PTPRM: variants seen among roughly 807,000 people sequenced by gnomAD.
The protein encoded by PTPRM is receptor-type tyrosine-protein phosphatase mu.
In PTPRM, 47 loss-of-function variants were observed where a neutral mutation model predicts 186.7. That is an observed-to-expected ratio of 0.25 (90% CI 0.20 to 0.32). PTPRM has a LOEUF of 0.32. PTPRM is among the 10% of genes least tolerant of loss of function. The probability of loss-of-function intolerance (pLI) is 1.00; values close to 1 mark genes in which losing one functional copy is unlikely to be tolerated. For synonymous variants in PTPRM, 668 were observed against 674.9 expected, an observed-to-expected ratio of 0.99 and a Z score of 0.16; for missense variants, 1,494 against 1,865.0, an observed-to-expected ratio of 0.80 and a Z score of 3.66.
At chr18:7,775,961 C>A (rs1274754323) in intron 2 of PTPRM, among the ~76,000 whole-genome samples, 2 of 151,978 alleles carry the variant, frequency 1.3e-5, no homozygotes, top group East Asian at 3.9e-4. Context: ...ATATTAAAAT[C>A]ATAGGTTTCT....
At chr18:7,687,871 G>A (rs628838) in intron 1 of PTPRM, among the ~76,000 whole-genome samples, 48,292 of 150,956 alleles carry the variant, frequency 0.32, 14,083 homozygotes, top group African/African-American at 0.76. Flanking sequence ...TCCGCCTCCC[G>A]GGTTCAAGTG....
At chr18:7,691,939 A>C (rs1208049331) in intron 1 of PTPRM, among the ~76,000 whole-genome samples, 1 of 128,986 alleles carries the variant, frequency 7.8e-6, no homozygotes, top group Non-Finnish European at 1.6e-5. Context: ...CAGGAGGTTA[A>C]GGAGGTGGGA....
At chr18:7,771,013 A>C (rs1420064870) in intron 1 of PTPRM, among the ~76,000 whole-genome samples, 1 of 152,220 alleles carries the variant, frequency 6.6e-6, no homozygotes, top group Non-Finnish European at 1.5e-5. Flanking sequence ...TTCAAGTGAT[A>C]AGAACAGCTT....
chr18:7,727,115 A>C (rs897612281), intron 1 of PTPRM, among the ~76,000 whole-genome samples: 1 of 152,100 alleles, frequency 6.6e-6, no homozygotes, highest in Non-Finnish European at 1.5e-5. Flanking sequence ...GTGACTTGAA[A>C]AGTAATGACT....
At chr18:7,853,381 G>A (rs1358669143) in intron 2 of PTPRM, among the ~76,000 whole-genome samples, 1 of 152,208 alleles carries the variant, frequency 6.6e-6, no homozygotes, top group Admixed American at 6.5e-5. Context: ...TGGAGTTGGT[G>A]CTAGGTGTCC....
At position 8,024,876 on chromosome 18, in the gene PTPRM, GT is replaced by G. The variant is rs765391763; in HGVS notation, c.1133-44807del. Among the ~76,000 whole-genome samples the G allele has an allele frequency of 1.9e-4, 29 of 151,900 alleles. No individual in the cohort carries two copies. The East Asian group carries it at 4.1e-3, about 21-fold the overall frequency. On this transcript the variant is annotated intron_variant, in intron 7 of 32. Transcript: ENST00000580170. ...TTTGTGTTGTTTTAGGAGAGACAGT[GT>G]TTCACCATGTTGCCCAGGCTTGTCT...
chr18:7,809,065 T>A (rs1207452212), intron 2 of PTPRM, among the ~76,000 whole-genome samples: 1 of 152,136 alleles, frequency 6.6e-6, no homozygotes, highest in African/African-American at 2.4e-5. Flanking sequence ...TACCCACATG[T>A]GACAGTTAAG....
intron 11 of PTPRM, among the ~76,000 whole-genome samples, chr18:8,101,065 A>G (rs2091270069): frequency 6.6e-6 from 1 of 152,220 alleles, no homozygotes; most frequent in Non-Finnish European, 1.5e-5. Flanking sequence ...TGTTCCATCA[A>G]AACATCCCAG....
At position 7,568,731 on chromosome 18, in the gene PTPRM, C is replaced by T. The variant is rs2036498242; in HGVS notation, c.73+840C>T. On this transcript the variant is annotated intron_variant, in intron 1 of 32. Transcript: ENST00000580170. This position sits in a 1 kb window ranked among gnomAD's most constrained non-coding sequence, Gnocchi z 5.1. Reference sequence around the variant, plus strand: ...GCGTGTGAGTGTGTGCGCGTGTGTGCCTGCACGCGCGCGCGGGGGCGTTCT... The same window carrying T: ...GCGTGTGAGTGTGTGCGCGTGTGTGTCTGCACGCGCGCGCGGGGGCGTTCT... Among the ~76,000 whole-genome samples the T allele has an allele frequency of 6.6e-6, 1 of 152,106 alleles. No homozygotes were observed. Among genetic ancestry groups the T allele is most frequent in the Non-Finnish European group, 1.5e-5 (1 of 68,012 alleles).
intron 4 of PTPRM, among the ~76,000 whole-genome samples, chr18:7,919,600 T>A (rs895275992): frequency 3.3e-5 from 5 of 152,168 alleles, no homozygotes; most frequent in African/African-American, 4.8e-5. Flanking sequence ...TCTACTTTTT[T>A]AAATTTGTTG....
intron 2 of PTPRM, among the ~76,000 whole-genome samples, chr18:7,848,303 T>C (rs2046697999): frequency 1.3e-5 from 2 of 152,254 alleles, no homozygotes; most frequent in African/African-American, 4.8e-5. Flanking sequence ...GATTTTGTCT[T>C]TCTGTAGTCA....
chr18:7,718,179 T>C (rs1305402700), intron 1 of PTPRM, among the ~76,000 whole-genome samples: 2 of 152,158 alleles, frequency 1.3e-5, no homozygotes, highest in Non-Finnish European at 2.9e-5. Flanking sequence ...TACAAGTCTC[T>C]AGTTACCAAA....
At chr18:7,874,327 A>G (rs1449015055) in intron 2 of PTPRM, among the ~76,000 whole-genome samples, 1 of 152,174 alleles carries the variant, frequency 6.6e-6, no homozygotes, top group Non-Finnish European at 1.5e-5. Context: ...ATGAAAAGTT[A>G]AAATGGGGAA....
chr18:8,299,070 C>T (rs78898960), intron 20 of PTPRM, among the ~76,000 whole-genome samples: 2,687 of 152,048 alleles, frequency 0.018, 47 homozygotes, highest in Middle Eastern at 0.075. Context: ...TTCTATAAAA[C>T]GTCTGCAGGC....
intron 32 of PTPRM, chr18:8,404,714 T>G (rs1161713451): frequency 6.6e-6 from 1 of 152,246 alleles, no homozygotes; most frequent in Non-Finnish European, 1.5e-5. Flanking sequence ...GTGCTGAACC[T>G]CGCTCACACA....
intron 1 of PTPRM, among the ~76,000 whole-genome samples, chr18:7,619,375 G>A (rs2037882570): frequency 6.6e-6 from 1 of 152,116 alleles, no homozygotes; most frequent in Admixed American, 6.5e-5. Flanking sequence ...GATTGACTGG[G>A]CTTTGTAAAG....
At chr18:7,823,943 G>C (rs568631032) in intron 2 of PTPRM, among the ~76,000 whole-genome samples, 1 of 152,172 alleles carries the variant, frequency 6.6e-6, no homozygotes, top group South Asian at 2.1e-4. Flanking sequence ...AATATACTTG[G>C]ACAAAAGGGG....
At position 7,586,440 on chromosome 18, in the gene PTPRM, G is replaced by A. The variant is rs1044802005; in HGVS notation, c.73+18549G>A. ...TTTGGGGGGTGACTTTTAGAACAAA[G>A]TCAACAGATAGGTTTGCTTATTTTG... is the stretch of plus-strand genomic sequence containing the variant. On this transcript the variant is annotated intron_variant, in intron 1 of 32. Coordinates refer to ENST00000580170, the MANE Select transcript of PTPRM (RefSeq NM_001105244.2). Among the ~76,000 whole-genome samples the A allele has an allele frequency of 3.3e-5, 5 of 152,038 alleles. No homozygotes were observed. In the East Asian group the frequency reaches 9.6e-4, roughly 29 times the overall value.
At chr18:7,880,345 C>G (rs761122492) in intron 2 of PTPRM, among the ~76,000 whole-genome samples, 5 of 152,114 alleles carry the variant, frequency 3.3e-5, no homozygotes, top group African/African-American at 9.7e-5. Flanking sequence ...AAAATTAATA[C>G]AACTAACAAA....
Sources: gnomAD v4.1 joint callset for allele counts (sites outside exome capture counted in the v4.1 genomes callset) on GRCh38, gnomAD v4.1.1 for gene constraint, Gnocchi (gnomAD v3.1) non-coding constraint, MANE v1.5 for transcripts, NCBI Gene and HGNC (gene_info 2026-07-23, HGNC 2026-07-21) for gene names.